Variants in DCBLD2 observed in about 807,000 individuals in gnomAD.
The protein encoded by DCBLD2 is discoidin, CUB and LCCL domain containing 2.
Under a neutral mutation model 86.8 loss-of-function variants are expected in DCBLD2, and 54 were observed. That is an observed-to-expected ratio of 0.62 (90% CI 0.50 to 0.78). The LOEUF (loss-of-function observed/expected upper bound fraction) is 0.78, where lower values mean the gene tolerates loss of function less well. Ranked by LOEUF, DCBLD2 falls within the 30% of genes least tolerant of loss-of-function variation. The pLI is 0.00. For missense variants in DCBLD2, 908 were observed against 954.2 expected (o/e 0.95, Z 0.64); for synonymous variants, 354 against 341.3 (o/e 1.04, Z -0.41).
chr3:98,899,224 A>G (rs1193037165), intron 1 of DCBLD2, among the ~76,000 whole-genome samples: 1 of 151,098 alleles, frequency 6.6e-6, no homozygotes, highest in African/African-American at 2.4e-5. Context: ...AAATGAAGTA[A>G]TGTTGCTTGT....
intron 1 of DCBLD2, chr3:98,900,879 G>T: frequency 1.6e-6 from 1 of 618,510 alleles, no homozygotes; most frequent in East Asian, 3.1e-5. Context: ...TTCATAGCAG[G>T]GTCTCACGTC....
chr3:98,866,345 A>G (rs1461310519), intron 2 of DCBLD2, among the ~76,000 whole-genome samples: 5 of 152,128 alleles, frequency 3.3e-5, no homozygotes, highest in Non-Finnish European at 7.4e-5. Context: ...AAGTGTTCCT[A>G]TTTCTCCACA....
At chr3:98,866,282 C>G (rs1254256303) in intron 2 of DCBLD2, among the ~76,000 whole-genome samples, 1 of 152,182 alleles carries the variant, frequency 6.6e-6, no homozygotes, top group African/African-American at 2.4e-5. Context: ...GAGGAATCGC[C>G]ACACTGTCTT....
intron 8 of DCBLD2, among the ~76,000 whole-genome samples, chr3:98,818,169 C>A (rs1252762790): frequency 6.6e-6 from 1 of 152,120 alleles, no homozygotes; most frequent in Non-Finnish European, 1.5e-5. Context: ...ATTTTGACTA[C>A]TGGGTAAGAT....
At chr3:98,872,365 C>T (rs754883634) in intron 2 of DCBLD2, among the ~76,000 whole-genome samples, 6 of 152,146 alleles carry the variant, frequency 3.9e-5, no homozygotes, top group Non-Finnish European at 5.9e-5. Context: ...TCAGCCTCCT[C>T]GGTCCCCTCT....
At chr3:98,892,977 T>C (rs1467857572) in intron 1 of DCBLD2, among the ~76,000 whole-genome samples, 1 of 152,046 alleles carries the variant, frequency 6.6e-6, no homozygotes, top group African/African-American at 2.4e-5. Flanking sequence ...AGAACTCACA[T>C]TAAGATTTGG....
chr3:98,824,396 G>A (rs764962038), intron 4 of DCBLD2, among the ~76,000 whole-genome samples: 26 of 152,090 alleles, frequency 1.7e-4, no homozygotes, highest in Admixed American at 3.9e-4. Flanking sequence ...TGGCGCGAGC[G>A]CAGCTGACCC....
chr3:98,807,938 G>A, intron 13 of DCBLD2, 143 bp downstream of exon 13: 1 of 539,380 alleles, frequency 1.9e-6, no homozygotes, highest in Non-Finnish European at 3.0e-6. Flanking sequence ...TTTTTAATGG[G>A]AATAAAGGAG....
intron 9 of DCBLD2, chr3:98,816,102 A>G (rs1458592684): frequency 5.3e-5 from 8 of 151,850 alleles, no homozygotes; most frequent in Non-Finnish European, 7.4e-5. Context: ...ACAAATGATA[A>G]AAAGAAAACC....
rs113193007 is a variant in DCBLD2 at position 98,839,208 on chromosome 3, T to C, written c.571+10253A>G. 5.3e-3 allele frequency among the ~76,000 whole-genome samples: 570 copies of C among 107,574 alleles called. 1 individual carries two copies. Among genetic ancestry groups the C allele is most frequent in the East Asian group, 0.028 (74 of 2,678 alleles). 70.6% of individuals were successfully genotyped at this position (107,574 alleles called of 152,430 possible). A position where few individuals can be genotyped will look rare whatever the true frequency, so the allele number is the denominator to read the frequency against. ...CCTTCCTTCCTTCCTTCCTTCCTTC[T>C]TTCTTTCCTTCTTTCCTTCTCTCTC... On this transcript the variant is annotated intron_variant, in intron 3 of 15. Coordinates refer to ENST00000326840, the MANE Select transcript of DCBLD2 (RefSeq NM_080927.4).
At chr3:98,867,188 C>G (rs1943164293) in intron 2 of DCBLD2, among the ~76,000 whole-genome samples, 1 of 152,072 alleles carries the variant, frequency 6.6e-6, no homozygotes. Context: ...TTGGCAATGC[C>G]AGCTCTTTTT....
chr3:98,816,745 C>G (rs1313523661), intron 9 of DCBLD2, among the ~76,000 whole-genome samples: 1 of 152,140 alleles, frequency 6.6e-6, no homozygotes, highest in African/African-American at 2.4e-5. Context: ...AAATCAAACT[C>G]ATAGGAAAGT....
intron 3 of DCBLD2, among the ~76,000 whole-genome samples, chr3:98,846,322 G>C (rs1300504901): frequency 6.6e-6 from 1 of 152,146 alleles, no homozygotes; most frequent in Non-Finnish European, 1.5e-5. Flanking sequence ...TTCTAGGCTA[G>C]GGACATGTAG....
chr3:98,854,631 CCTT>C (rs746198102), intron 2 of DCBLD2, among the ~76,000 whole-genome samples: 32 of 152,156 alleles, frequency 2.1e-4, no homozygotes, highest in Non-Finnish European at 4.1e-4. Flanking sequence ...ATTTGCCTCT[CCTT>C]CTAAAATATA....
chr3:98,802,785 G>C (rs1941754288), intron 13 of DCBLD2, among the ~76,000 whole-genome samples: 1 of 152,258 alleles, frequency 6.6e-6, no homozygotes, highest in African/African-American at 2.4e-5. Context: ...AGTTTTCCCA[G>C]CACCATTTAT....
chr3:98,796,467 A>G lies in DCBLD2; in HGVS notation c.*2905T>C, dbSNP rs1449889889. 6.6e-6 allele frequency: 1 copy of G among 152,648 alleles called. No individual in the cohort carries two copies. The highest frequency in any genetic ancestry group is 1.5e-5 in the Non-Finnish European group (1 of 68,040). The allele number at this position is 152,648 out of a possible 1,614,324, so 9.5% of individuals were successfully genotyped here. On this transcript the variant is annotated 3_prime_UTR_variant, in exon 16 of 16. Transcript: ENST00000326840. ...TAGGTGACAATGCAGAGCCAGGGCA[A>G]AGGTGTTTAAGCTTTGTCACCTTCC...
intron 2 of DCBLD2, among the ~76,000 whole-genome samples, chr3:98,856,867 T>C (rs773960422): frequency 5.9e-5 from 9 of 151,960 alleles, no homozygotes; most frequent in Admixed American, 1.3e-4. Context: ...AAAAAGAATA[T>C]TTAAAAAGTA....
At chr3:98,869,092 A>C (rs781601584) in intron 2 of DCBLD2, among the ~76,000 whole-genome samples, 1 of 152,208 alleles carries the variant, frequency 6.6e-6, no homozygotes, top group Non-Finnish European at 1.5e-5. Flanking sequence ...ACAGTGTATA[A>C]GTGTTCCCTG....
intron 9 of DCBLD2, among the ~76,000 whole-genome samples, chr3:98,816,583 A>G (rs1306200486): frequency 1.3e-5 from 2 of 152,164 alleles, no homozygotes; most frequent in African/African-American, 4.8e-5. Context: ...CAAGTAGAAG[A>G]GAAGAAAGAG....
Sources: gnomAD v4.1 joint callset for allele counts (sites outside exome capture counted in the v4.1 genomes callset) on GRCh38, gnomAD v4.1.1 for gene constraint, MANE v1.5 for transcripts, NCBI Gene and HGNC (gene_info 2026-07-23, HGNC 2026-07-21) for gene names.